The following OSBPL9 variants were observed in gnomAD, a reference collection of about 807,000 sequenced individuals.
OSBPL9 encodes oxysterol-binding protein-related protein 9.
Under a neutral mutation model 106.6 loss-of-function variants are expected in OSBPL9, and 40 were observed. The ratio of observed to expected loss-of-function variants is 0.38; its 90% CI spans 0.29 to 0.49. OSBPL9 has a LOEUF of 0.49. Ranked by LOEUF, OSBPL9 falls within the 20% of genes least tolerant of loss-of-function variation. OSBPL9 has a pLI of 0.97. For missense variants in OSBPL9, 609 were observed against 887.2 expected (o/e 0.69, Z 3.98); for synonymous variants, 269 against 295.4 (o/e 0.91, Z 0.92).
chr1:51,581,093 A>ATT (rs539655452), intron 1 of OSBPL9, among the ~76,000 whole-genome samples: 34 of 138,612 alleles, frequency 2.5e-4, no homozygotes, highest in African/African-American at 5.8e-4. Flanking sequence ...TAATTTTTGT[A>ATT]TTTTTTTTTT....
intron 14 of OSBPL9, among the ~76,000 whole-genome samples, chr1:51,774,062 C>G (rs1674526567): frequency 6.6e-6 from 1 of 151,994 alleles, no homozygotes; most frequent in African/African-American, 2.4e-5. Context: ...ATGCTCGTGC[C>G]TAAACCTGCC....
intron 1 of OSBPL9, among the ~76,000 whole-genome samples, chr1:51,618,991 C>G (rs75010498): frequency 0.012 from 1,871 of 152,228 alleles, 40 homozygotes; most frequent in African/African-American, 0.044. Context: ...TCTTTCTCTA[C>G]ATAGTTTTTA....
At chr1:51,782,811 T>C (rs1045748109) in intron 17 of OSBPL9, among the ~76,000 whole-genome samples, 168 bp downstream of exon 17, 2 of 152,230 alleles carry the variant, frequency 1.3e-5, no homozygotes, top group East Asian at 3.8e-4. Context: ...TCTTTTCCTT[T>C]TGTAAGCTCC....
At position 51,772,741 on chromosome 1, in the gene OSBPL9, G is replaced by C. The variant is rs1455267295; in HGVS notation, c.1170+18G>C. ...TTACTAAGGTAAGACCAAATTTGCT[G>C]TAAGTCTGTGTGGGTATGTATGGAT... On this transcript the variant is annotated intron_variant, in intron 14 of 23. Coordinates refer to ENST00000428468, the MANE Select transcript of OSBPL9 (RefSeq NM_024586.6). The C allele has an allele frequency of 4.5e-6, 7 of 1,550,750 alleles. No individual in the cohort carries two copies. The South Asian group carries it at 5.6e-5, about 12-fold the overall frequency.
At chr1:51,663,282 CATT>C (rs1459796203) in intron 2 of OSBPL9, among the ~76,000 whole-genome samples, 1 of 139,184 alleles carries the variant, frequency 7.2e-6, no homozygotes, top group Non-Finnish European at 1.5e-5. Context: ...TCATTTGAGT[CATT>C]ATGCTGGCAA....
At chr1:51,534,796 C>A in the OSBPL9 span, among the ~76,000 whole-genome samples, 3 of 152,248 alleles carry the variant, frequency 2.0e-5, no homozygotes, top group Non-Finnish European at 4.4e-5. Flanking sequence ...ATTAATTTCT[C>A]TACCATGTCA....
Position 51,587,811 on chromosome 1 carries a change from G to A in OSBPL9, c.-422-10313G>A, listed in dbSNP as rs115594229. 7.4e-3 allele frequency among the ~76,000 whole-genome samples: 1,128 copies of A among 152,324 alleles called. 9 individuals are homozygous for A. Among genetic ancestry groups the A allele is most frequent in the African/African-American group, 0.026 (1,081 of 41,566 alleles). ...CTCCAAAATGTAACCCAACCCTGCT[G>A]TATTCATTTCCTCAGCTCCCCTCTA... On this transcript the variant is annotated intron_variant, in intron 1 of 25. Coordinates refer to the OSBPL9 transcript ENST00000371714.
At chr1:51,675,829 C>T (rs1384014771) in intron 3 of OSBPL9, among the ~76,000 whole-genome samples, 1 of 152,066 alleles carries the variant, frequency 6.6e-6, no homozygotes, top group Non-Finnish European at 1.5e-5. Context: ...TAATATCATT[C>T]ATAATGTTAC....
At chr1:51,764,968 T>G (rs1672267780) in intron 11 of OSBPL9, among the ~76,000 whole-genome samples, 1 of 152,200 alleles carries the variant, frequency 6.6e-6, no homozygotes, top group Admixed American at 6.5e-5. Flanking sequence ...TTAATAAACT[T>G]TAGTCTTCAC....
intron 1 of OSBPL9, among the ~76,000 whole-genome samples, chr1:51,649,736 C>CTTT (rs71578080): frequency 1.1e-4 from 11 of 96,972 alleles, no homozygotes; most frequent in African/African-American, 3.1e-4. Context: ...ACATGTTAGT[C>CTTT]TTTTTTTTTT....
intron 1 of OSBPL9, among the ~76,000 whole-genome samples, chr1:51,649,736 CTT>C (rs71578080): frequency 2.1e-4 from 20 of 96,972 alleles, no homozygotes; most frequent in Admixed American, 3.2e-4. Flanking sequence ...ACATGTTAGT[CTT>C]TTTTTTTTTT....
chr1:51,685,980 C>T (rs915106780), intron 3 of OSBPL9, among the ~76,000 whole-genome samples: 2 of 152,022 alleles, frequency 1.3e-5, no homozygotes, highest in Admixed American at 1.3e-4. Flanking sequence ...GGTAACTGCC[C>T]AGTGGGAGGA....
intron 1 of OSBPL9, among the ~76,000 whole-genome samples, chr1:51,640,130 C>T (rs1457609867): frequency 6.6e-6 from 1 of 152,146 alleles, no homozygotes; most frequent in Non-Finnish European, 1.5e-5. Flanking sequence ...CATACTTGGC[C>T]ATTCTTTGCT....
chr1:51,741,200 G>T (rs1042008709), intron 4 of OSBPL9, among the ~76,000 whole-genome samples: 3 of 152,112 alleles, frequency 2.0e-5, no homozygotes, highest in African/African-American at 7.2e-5. Context: ...GAGGCAGTTT[G>T]ATATTCTTCT....
At chr1:51,696,025 G>A (rs755752624) in intron 3 of OSBPL9, among the ~76,000 whole-genome samples, 14 of 152,156 alleles carry the variant, frequency 9.2e-5, no homozygotes, top group Non-Finnish European at 1.8e-4. Flanking sequence ...AGATTTGGAC[G>A]CTGATTATTG....
chr1:51,607,164 CTT>C (rs1320905927), intron 2 of OSBPL9, among the ~76,000 whole-genome samples: 9 of 136,374 alleles, frequency 6.6e-5, no homozygotes, highest in Non-Finnish European at 7.9e-5. Context: ...TTTTCTTTTT[CTT>C]TTTTTTTTTT....
chr1:51,666,855 G>A (rs1053030061), intron 2 of OSBPL9, among the ~76,000 whole-genome samples: 5 of 152,356 alleles, frequency 3.3e-5, no homozygotes, highest in Admixed American at 2.0e-4. Flanking sequence ...TTTTAAACAT[G>A]TGAGTCTCTA....
chr1:51,707,293 T>C lies in OSBPL9; in HGVS notation c.242-6710T>C, dbSNP rs915609940. On this transcript the variant is annotated intron_variant, in intron 3 of 23. Coordinates refer to ENST00000428468, the MANE Select transcript of OSBPL9 (RefSeq NM_024586.6). ...GTGGAAGAGTGGTTCTCACTTAAAG[T>C]CGGAGGAGACACCCGGGTGTTCAGT... is the stretch of plus-strand genomic sequence containing the variant. 6.3e-5 allele frequency: 13 copies of C among 207,130 alleles called. No individual in the cohort carries two copies. In the South Asian group the frequency reaches 7.4e-4, roughly 12 times the overall value. 12.8% of individuals were successfully genotyped at this position (207,130 alleles called of 1,614,324 possible).
At chr1:51,628,745 G>A (rs1236999951) in intron 1 of OSBPL9, among the ~76,000 whole-genome samples, 1 of 143,412 alleles carries the variant, frequency 7.0e-6, no homozygotes, top group Admixed American at 7.2e-5. Context: ...GTGCAGTGGC[G>A]TGATCTCGGC....
Sources: allele counts gnomAD v4.1 joint callset (sites outside exome capture counted in the v4.1 genomes callset), GRCh38; gene constraint gnomAD v4.1.1; transcripts MANE v1.5; gene names NCBI Gene and HGNC (gene_info 2026-07-23, HGNC 2026-07-21).